The following CCDC138 variants were observed in gnomAD, a reference collection of about 807,000 sequenced individuals.
CCDC138 encodes coiled-coil domain containing 138.
CCDC138 carries 66 observed loss-of-function variants against 82.3 expected under a neutral mutation model. That is an observed-to-expected ratio of 0.80 (90% CI 0.66 to 0.98). CCDC138 has a LOEUF of 0.98. Among genes scored for constraint, CCDC138 ranks in the 50% least tolerant of loss-of-function variants. CCDC138 has a pLI of 0.00. For missense variants in CCDC138, 816 were observed against 758.9 expected (o/e 1.08, Z -0.88); for synonymous variants, 297 against 265.4 (o/e 1.12, Z -1.16).
chr2:108,817,482 G>A (rs904672816), intron 10 of CCDC138, among the ~76,000 whole-genome samples: 25 of 152,098 alleles, frequency 1.6e-4, no homozygotes, highest in African/African-American at 5.5e-4. Context: ...TAGTAGAGAC[G>A]GGGTTGCACT....
chr2:108,844,975 T>C (rs2150575295), intron 11 of CCDC138, among the ~76,000 whole-genome samples: 1 of 152,266 alleles, frequency 6.6e-6, no homozygotes, highest in East Asian at 1.9e-4. Context: ...CTTGATATCC[T>C]GACCTTGTGA....
intron 10 of CCDC138, among the ~76,000 whole-genome samples, chr2:108,831,607 C>T (rs568898912): frequency 3.9e-5 from 6 of 152,148 alleles, no homozygotes; most frequent in Non-Finnish European, 7.3e-5. Context: ...CCAATTTTAG[C>T]ACACATCAGA....
rs1681349822 is a variant in CCDC138 at position 108,798,731 on chromosome 2, A to T, written c.735+145A>T. The T allele has an allele frequency of 1.7e-5, 9 of 545,356 alleles. 1 individual carries two copies. The highest frequency in any genetic ancestry group is 2.8e-5 in the Non-Finnish European group (9 of 315,846). The allele number at this position is 545,356 out of a possible 1,614,324, so 33.8% of individuals were successfully genotyped here. ...CCTACACACACACACACACACACAC[A>T]CACACACACTTTTTCTGATCCATTT... is the stretch of plus-strand genomic sequence containing the variant. On this transcript the variant is annotated intron_variant, in intron 6 of 14. Transcript: ENST00000295124.
chr2:108,806,585 C>T (rs1281829838), intron 7 of CCDC138, among the ~76,000 whole-genome samples: 1 of 152,076 alleles, frequency 6.6e-6, no homozygotes, highest in Non-Finnish European at 1.5e-5. Flanking sequence ...CTTTCAGTGA[C>T]CCAGCTCTGC....
chr2:108,828,003 A>G (rs1686927488), intron 10 of CCDC138, among the ~76,000 whole-genome samples: 1 of 152,138 alleles, frequency 6.6e-6, no homozygotes, highest in African/African-American at 2.4e-5. Context: ...GAACGTGACC[A>G]CAAAAACAGA....
chr2:108,791,233 A>G (rs969493981), intron 3 of CCDC138, among the ~76,000 whole-genome samples: 1 of 152,176 alleles, frequency 6.6e-6, no homozygotes, highest in Non-Finnish European at 1.5e-5. Flanking sequence ...AAAAATTTCA[A>G]CTCAGATTGT....
chr2:108,799,680 A>C (rs937941057), intron 6 of CCDC138, among the ~76,000 whole-genome samples: 2 of 152,080 alleles, frequency 1.3e-5, no homozygotes, highest in African/African-American at 4.8e-5. Flanking sequence ...TCTTTGGCCA[A>C]ATTTGGGGAA....
At chr2:108,869,692 AAAAG>A (rs748882257) in intron 13 of CCDC138, among the ~76,000 whole-genome samples, 2 of 152,158 alleles carry the variant, frequency 1.3e-5, no homozygotes, top group Non-Finnish European at 2.9e-5. Flanking sequence ...AAACAAGAAA[AAAAG>A]AAAAAAACAG....
intron 10 of CCDC138, among the ~76,000 whole-genome samples, chr2:108,819,509 T>C (rs1685310965): frequency 6.6e-6 from 1 of 152,150 alleles, no homozygotes; most frequent in Non-Finnish European, 1.5e-5. Context: ...GCTGCGGAGA[T>C]CTGCACTTCT....
chr2:108,835,027 C>T (rs966752594), intron 10 of CCDC138, among the ~76,000 whole-genome samples: 5 of 152,220 alleles, frequency 3.3e-5, no homozygotes, highest in Admixed American at 1.3e-4. Flanking sequence ...TTTGCACTTG[C>T]ATTGAGATTC....
chr2:108,832,915 C>T (rs1035456022), intron 10 of CCDC138, among the ~76,000 whole-genome samples: 2 of 152,124 alleles, frequency 1.3e-5, no homozygotes, highest in African/African-American at 4.8e-5. Context: ...TGAATGTCAT[C>T]CCACAGATAA....
chr2:108,793,709 G>T (rs576730643), intron 4 of CCDC138, among the ~76,000 whole-genome samples: 18 of 151,630 alleles, frequency 1.2e-4, no homozygotes, highest in African/African-American at 3.9e-4. Flanking sequence ...CCACTCTCCT[G>T]CCTCAGCCTC....
intron 11 of CCDC138, among the ~76,000 whole-genome samples, chr2:108,845,188 A>G (rs1489271458): frequency 6.6e-6 from 1 of 152,028 alleles, no homozygotes; most frequent in Non-Finnish European, 1.5e-5. Flanking sequence ...ATTTTTTTCT[A>G]TTTTTTACAC....
chr2:108,849,302 A>G (rs974732108), intron 12 of CCDC138, among the ~76,000 whole-genome samples: 1 of 152,212 alleles, frequency 6.6e-6, no homozygotes, highest in African/African-American at 2.4e-5. Context: ...TCAAGACATA[A>G]TGGCTCCAAA....
At chr2:108,805,444 G>A (rs2149689000) in intron 7 of CCDC138, among the ~76,000 whole-genome samples, 1 of 152,238 alleles carries the variant, frequency 6.6e-6, no homozygotes, top group East Asian at 1.9e-4. Flanking sequence ...AAGTATTGCA[G>A]GCCAGGCGCG....
chr2:108,863,187 G>A (rs185828821), intron 13 of CCDC138, among the ~76,000 whole-genome samples: 14 of 151,932 alleles, frequency 9.2e-5, no homozygotes, highest in Admixed American at 5.2e-4. Context: ...TTATTCAATC[G>A]TTCTATTATG....
At chr2:108,794,889 A>T (rs1219527288) in intron 5 of CCDC138, among the ~76,000 whole-genome samples, 168 bp downstream of exon 5, 1 of 152,222 alleles carries the variant, frequency 6.6e-6, no homozygotes, top group Non-Finnish European at 1.5e-5. Context: ...GAAGGGAAAA[A>T]TACAGTGGCT....
chr2:108,807,692 A>C (rs1226921415), intron 7 of CCDC138, among the ~76,000 whole-genome samples: 2 of 152,090 alleles, frequency 1.3e-5, no homozygotes, highest in Non-Finnish European at 2.9e-5. Flanking sequence ...ATCTCGGCTC[A>C]CTGCAACCTC....
At chr2:108,794,959 A>G (rs2149484900) in intron 5 of CCDC138, among the ~76,000 whole-genome samples, 1 of 152,028 alleles carries the variant, frequency 6.6e-6, no homozygotes, top group South Asian at 2.1e-4. Flanking sequence ...ACTGTCTTGT[A>G]TTTTATTTGA....
Sources: gnomAD v4.1 joint callset for allele counts (sites outside exome capture counted in the v4.1 genomes callset) on GRCh38, gnomAD v4.1.1 for gene constraint, MANE v1.5 for transcripts, NCBI Gene and HGNC (gene_info 2026-07-23, HGNC 2026-07-21) for gene names.